HOOK1: variants seen among roughly 807,000 people sequenced by gnomAD.
HOOK1 encodes the protein hook microtubule tethering protein 1, also known as protein Hook homolog 1.
HOOK1 carries 60 observed loss-of-function variants against 112.8 expected under a neutral mutation model. The ratio of observed to expected loss-of-function variants is 0.53; its 90% CI spans 0.43 to 0.66. HOOK1 has a LOEUF of 0.66. Ranked by LOEUF, HOOK1 falls within the 30% of genes least tolerant of loss-of-function variation. The pLI is 0.00. For missense variants in HOOK1, 770 were observed against 856.0 expected, an observed-to-expected ratio of 0.90 and a Z score of 1.25; for synonymous variants, 294 against 283.8, an observed-to-expected ratio of 1.04 and a Z score of -0.36.
chr1:59,816,462 A>G (rs2098381604), intron 1 of HOOK1, among the ~76,000 whole-genome samples: 1 of 152,246 alleles, frequency 6.6e-6, no homozygotes, highest in Admixed American at 6.5e-5. Flanking sequence ...AAAACAGACT[A>G]ATTAAAGGGT....
Position 59,848,344 on chromosome 1 carries a change from A to T in HOOK1, c.959A>T (p.Glu320Val). The change falls in exon 11 of 22, where the codon GAG becomes GTG. Residue 320 changes from glutamate (E) to valine (V), a missense_variant. Glu to Val is a moderately radical substitution (Grantham distance 121, BLOSUM62 -2). Transcript: ENST00000371208. ...ACCTCTGATAAAGCAAATAAACTGGAGTCAACAGTTGAGATATATCGTCAG... is the reference window on the plus strand; with the variant it reads ...ACCTCTGATAAAGCAAATAAACTGGTGTCAACAGTTGAGATATATCGTCAG... Reference protein sequence around the residue: ...RATSDKANKLESTVEIYRQKL... With the variant: ...RATSDKANKLVSTVEIYRQKL... The T allele has an allele frequency of 6.2e-7, 1 of 1,610,998 alleles. No individual in the cohort carries two copies. The highest frequency in any genetic ancestry group is 8.5e-7 in the Non-Finnish European group (1 of 1,177,864).
chr1:59,836,457 CT>C (rs1182768812), intron 6 of HOOK1, among the ~76,000 whole-genome samples: 1 of 152,070 alleles, frequency 6.6e-6, no homozygotes, highest in Non-Finnish European at 1.5e-5. Flanking sequence ...TTTACAGGAT[CT>C]TTTTTTCATA....
rs1487687691 is a variant in HOOK1 at position 59,875,977 on chromosome 1, G to A, written c.*3012G>A. ...TTTCTAGGGCACTTCTGACCCTGGG[G>A]CTTGGGGATGGCCTTTAGGCCACAG... On this transcript the variant is annotated 3_prime_UTR_variant, in exon 22 of 22. Coordinates refer to ENST00000371208, the MANE Select transcript of HOOK1 (RefSeq NM_015888.6). The A allele has an allele frequency of 6.6e-6, 1 of 152,630 alleles. No individual in the cohort carries two copies. Among genetic ancestry groups the A allele is most frequent in the African/African-American group, 2.4e-5 (1 of 41,446 alleles). 9.5% of individuals were successfully genotyped at this position (152,630 alleles called of 1,614,324 possible). A position where few individuals can be genotyped will look rare whatever the true frequency, so the allele number is the denominator to read the frequency against.
intron 9 of HOOK1, 96 bp from the exon 10 acceptor site, chr1:59,846,949 T>C: frequency 1.2e-6 from 1 of 860,358 alleles, no homozygotes; most frequent in Non-Finnish European, 1.7e-6. Flanking sequence ...TGTTGAGTGT[T>C]ATATATGCAT....
intron 3 of HOOK1, 53 bp downstream of exon 3, chr1:59,828,905 A>G (rs369245229): frequency 2.9e-4 from 404 of 1,373,164 alleles, no homozygotes; most frequent in Non-Finnish European, 3.7e-4. Flanking sequence ...TCCTAAAGTT[A>G]GCACTAAGTT....
chr1:59,875,700 TA>T lies in HOOK1; in HGVS notation c.*2739del, dbSNP rs1330454016. On this transcript the variant is annotated 3_prime_UTR_variant, in exon 22 of 22. Coordinates refer to ENST00000371208, the MANE Select transcript of HOOK1 (RefSeq NM_015888.6). ...CAATGTTAAGCACTTGCTCTAAGAT[TA>T]AAATTCCTTTTCTTTTTAAGGTTAA... 1 of 152,234 alleles carries T rather than the reference TA, an allele frequency of 6.6e-6. No individual in the cohort carries two copies. Among genetic ancestry groups the T allele is most frequent in the African/African-American group, 2.4e-5 (1 of 41,464 alleles). The allele number at this position is 152,234 out of a possible 1,614,324, so 9.4% of individuals were successfully genotyped here.
chr1:59,818,919 T>G (rs1370403445), intron 1 of HOOK1, among the ~76,000 whole-genome samples: 1 of 152,146 alleles, frequency 6.6e-6, no homozygotes, highest in East Asian at 1.9e-4. Flanking sequence ...GTGACATTTA[T>G]ATTAAAGTAG....
chr1:59,855,964 T>TAAAAAAAAAAAAAAA (rs1559058013), intron 12 of HOOK1, among the ~76,000 whole-genome samples: 2 of 92,658 alleles, frequency 2.2e-5, no homozygotes, highest in African/African-American at 1.3e-4. Context: ...ATATATAAAT[T>TAAAAAAAAAAAAAAA]ATTATATATA....
At chr1:59,846,542 CCTTCCTTCCT>C (rs2098403915) in intron 9 of HOOK1, among the ~76,000 whole-genome samples, 1 of 27,648 alleles carries the variant, frequency 3.6e-5, no homozygotes, top group Non-Finnish European at 7.3e-5. Flanking sequence ...TTCCTTCCTT[CCTTCCTTCCT>C]TCCTTCCTTC....
At chr1:59,865,573 G>A (rs1399822451) in intron 18 of HOOK1, among the ~76,000 whole-genome samples, 1 of 151,934 alleles carries the variant, frequency 6.6e-6, no homozygotes, top group East Asian at 1.9e-4. Flanking sequence ...TTTTCTTGTG[G>A]TTGTGCTTAC....
At chr1:59,849,012 A>G (rs1321218500) in intron 11 of HOOK1, 61 bp from the exon 12 acceptor site, 4 of 898,004 alleles carry the variant, frequency 4.5e-6, no homozygotes, top group Admixed American at 2.6e-5. Flanking sequence ...CTGAAAGACT[A>G]TTGAGATTTA....
chr1:59,866,730 G>A (rs942331123), intron 19 of HOOK1, among the ~76,000 whole-genome samples: 2 of 152,138 alleles, frequency 1.3e-5, no homozygotes, highest in African/African-American at 4.8e-5. Flanking sequence ...TACATTTATG[G>A]AACAGACTTT....
At chr1:59,870,938 A>G (rs1644046088) in intron 20 of HOOK1, 104 bp from the exon 21 acceptor site, 1 of 763,532 alleles carries the variant, frequency 1.3e-6, no homozygotes, top group Non-Finnish European at 2.2e-6. Context: ...CACAAGTGCA[A>G]TCTTTAGATT....
In HOOK1 at chr1:59,874,382, G is replaced by A. The variant is rs769901629; in HGVS notation, c.*1417G>A. The A allele has an allele frequency of 6.6e-6, 1 of 152,170 alleles. No individual in the cohort carries two copies. Among genetic ancestry groups the A allele is most frequent in the Non-Finnish European group, 1.5e-5 (1 of 68,012 alleles). 9.4% of individuals were successfully genotyped at this position (152,170 alleles called of 1,614,324 possible). On this transcript the variant is annotated 3_prime_UTR_variant, in exon 22 of 22. Coordinates refer to ENST00000371208, the MANE Select transcript of HOOK1 (RefSeq NM_015888.6). ...CAGATATAAAAAGGAACTGAATTGTGACATAATTAGCATCTTACATTCCAT... is the reference window on the plus strand; with the variant it reads ...CAGATATAAAAAGGAACTGAATTGTAACATAATTAGCATCTTACATTCCAT...
At chr1:59,847,244 G>A (rs966130421) in intron 10 of HOOK1, 59 bp downstream of exon 10, 2 of 1,391,148 alleles carry the variant, frequency 1.4e-6, no homozygotes, top group African/African-American at 1.5e-5. Context: ...GTCAATTTGA[G>A]TATTTCATAT....
chr1:59,874,325 C>T lies in HOOK1; in HGVS notation c.*1360C>T, dbSNP rs761830021. 3 of 151,928 alleles carry T rather than the reference C, an allele frequency of 2.0e-5. No individual in the cohort carries two copies. Among genetic ancestry groups the T allele is most frequent in the African/African-American group, 7.2e-5 (3 of 41,380 alleles). The allele number at this position is 151,928 out of a possible 1,614,324, so 9.4% of individuals were successfully genotyped here. On this transcript the variant is annotated 3_prime_UTR_variant, in exon 22 of 22. Coordinates refer to ENST00000371208, the MANE Select transcript of HOOK1 (RefSeq NM_015888.6). ...ATACTATTTGATATTAGATGTTAGACCACAAAAAGAAGAAAAATGTTAGGA... is the reference window on the plus strand; with the variant it reads ...ATACTATTTGATATTAGATGTTAGATCACAAAAAGAAGAAAAATGTTAGGA...
At chr1:59,868,075 A>G (rs1296361836) in intron 19 of HOOK1, among the ~76,000 whole-genome samples, 175 bp from the exon 20 acceptor site, 1 of 152,178 alleles carries the variant, frequency 6.6e-6, no homozygotes, top group Non-Finnish European at 1.5e-5. Context: ...TTTCTTGTAT[A>G]TAGAATGAGT....
chr1:59,823,954 G>A (rs528089364), intron 2 of HOOK1, among the ~76,000 whole-genome samples: 14 of 152,112 alleles, frequency 9.2e-5, no homozygotes, highest in East Asian at 1.9e-4. Flanking sequence ...TTTCTCTCTC[G>A]TTCTCTCTTT....
chr1:59,866,027 C>T (rs1468269242), intron 19 of HOOK1, 55 bp downstream of exon 19: 7 of 921,968 alleles, frequency 7.6e-6, no homozygotes, highest in Admixed American at 2.1e-5. Context: ...TTTAGCAAGG[C>T]TCATTTCACT....
Sources: allele counts gnomAD v4.1 joint callset (sites outside exome capture counted in the v4.1 genomes callset), GRCh38; gene constraint gnomAD v4.1.1; transcripts MANE v1.5; gene names NCBI Gene and HGNC (gene_info 2026-07-23, HGNC 2026-07-21).